The following DLGAP3 variants were observed in gnomAD, a reference collection of about 807,000 sequenced individuals.
The protein encoded by DLGAP3 is disks large-associated protein 3.
Under a neutral mutation model 81.2 loss-of-function variants are expected in DLGAP3, and 17 were observed. That is an observed-to-expected ratio of 0.21 (90% CI 0.14 to 0.31). The LOEUF (loss-of-function observed/expected upper bound fraction) is 0.31. DLGAP3 is among the 10% of genes least tolerant of loss of function. The probability of loss-of-function intolerance (pLI) is 1.00; values close to 1 mark genes in which losing one functional copy is unlikely to be tolerated. For missense variants in DLGAP3, 1,124 were observed against 1,388.0 expected, an observed-to-expected ratio of 0.81 and a Z score of 3.02; for synonymous variants, 577 against 587.4, an observed-to-expected ratio of 0.98 and a Z score of 0.26.
chr1:34,896,337 A>C (rs904720930), intron 5 of DLGAP3, among the ~76,000 whole-genome samples: 1 of 152,180 alleles, frequency 6.6e-6, no homozygotes, highest in Non-Finnish European at 1.5e-5. Context: ...CTGTAAACCC[A>C]GCACTTTGGG....
intron 5 of DLGAP3, among the ~76,000 whole-genome samples, chr1:34,887,031 T>C (rs1639244899): frequency 7.3e-6 from 1 of 137,546 alleles, no homozygotes; most frequent in South Asian, 2.5e-4. Flanking sequence ...CTCGGCTCAC[T>C]GCAAGCTCTG....
intron 1 of DLGAP3, among the ~76,000 whole-genome samples, chr1:34,911,773 G>A (rs1200732527): frequency 2.0e-5 from 3 of 152,172 alleles, no homozygotes; most frequent in Non-Finnish European, 4.4e-5. Flanking sequence ...ATCTCACTGG[G>A]AAACCAGCTG....
chr1:34,868,538 C>A lies in DLGAP3; in HGVS notation c.2485+67G>T. The A allele has an allele frequency of 7.2e-7, 1 of 1,398,240 alleles. No homozygotes were observed. The highest frequency in any genetic ancestry group is 1.0e-6 in the Non-Finnish European group (1 of 990,110). The allele number at this position is 1,398,240 out of a possible 1,614,324, so 86.6% of individuals were successfully genotyped here. A position where few individuals can be genotyped will look rare whatever the true frequency, so the allele number is the denominator to read the frequency against. ...ACACTGCAGCCCCAGCCACCCCCAT[C>A]AGGGTCTCCTGAGCACACACGAGGC... On this transcript the variant is annotated intron_variant, in intron 9 of 11. Coordinates refer to ENST00000373347, the MANE Select transcript of DLGAP3 (RefSeq NM_001080418.3). This position sits in a 1 kb window ranked among gnomAD's most constrained non-coding sequence, Gnocchi z 7.5.
chr1:34,869,480 A>ATTTTTTT (rs71029050), intron 8 of DLGAP3, among the ~76,000 whole-genome samples: 1 of 69,280 alleles, frequency 1.4e-5, no homozygotes. Context: ...AGATATTTCA[A>ATTTTTTT]TTTTTTTTTT....
Position 34,866,112 on chromosome 1 carries a change from A to G in DLGAP3, c.2911T>C (p.Tyr971His). The change falls in exon 12 of 12, where the codon TAC (tyrosine) becomes CAC (histidine). Residue 971 changes from tyrosine (Y) to histidine (H), a missense_variant. Tyr to His is a moderately conservative substitution (Grantham distance 83, BLOSUM62 2). Transcript: ENST00000373347. ...AGCCTGGTCTGGGCCTCGGGGATGT[A>G]GATCTCGATGCTGTCGGCGCTCTCG... ...ATESADSIEIYIPEAQTRL is the reference protein window; with the variant it reads ...ATESADSIEIHIPEAQTRL 1 of 1,599,532 alleles carries G rather than the reference A, an allele frequency of 6.3e-7. No individual in the cohort carries two copies.
chr1:34,880,150 T>C (rs772328606), intron 8 of DLGAP3, among the ~76,000 whole-genome samples: 7 of 151,686 alleles, frequency 4.6e-5, no homozygotes, highest in Non-Finnish European at 8.8e-5. Flanking sequence ...AACCCATGGG[T>C]TCAAGTTATC....
intron 5 of DLGAP3, among the ~76,000 whole-genome samples, chr1:34,889,954 G>T (rs1401456432): frequency 8.5e-5 from 13 of 152,186 alleles, no homozygotes; most frequent in Non-Finnish European, 1.8e-4. Context: ...TAGGAGGAAG[G>T]CTTTGGGCCC....
chr1:34,869,130 C>A, intron 8 of DLGAP3, 41 bp from the exon 9 acceptor site: 1 of 1,455,388 alleles, frequency 6.9e-7, no homozygotes, highest in South Asian at 1.2e-5. Context: ...TGCCCAGGCT[C>A]ATGCCAGCTC....
chr1:34,891,687 CT>C (rs1639313294), intron 5 of DLGAP3, among the ~76,000 whole-genome samples: 2 of 152,214 alleles, frequency 1.3e-5, no homozygotes, highest in South Asian at 4.1e-4. Flanking sequence ...ACACATAGAA[CT>C]ATAGGCAGAC....
At chr1:34,914,291 C>T (rs1234712878) in intron 1 of DLGAP3, among the ~76,000 whole-genome samples, 2 of 152,216 alleles carry the variant, frequency 1.3e-5, no homozygotes, top group Non-Finnish European at 2.9e-5. Context: ...CAACTGCTTC[C>T]AGCCTTTTCT....
At chr1:34,901,940 C>G (rs1437696314) in intron 3 of DLGAP3, among the ~76,000 whole-genome samples, 1 of 152,124 alleles carries the variant, frequency 6.6e-6, no homozygotes, top group Non-Finnish European at 1.5e-5. Context: ...GAAGGGAGAA[C>G]AGTTCAGGGA....
chr1:34,905,087 G>T lies in DLGAP3; in HGVS notation c.297C>A (p.Phe99Leu). 6.3e-7 allele frequency: 1 copy of T among 1,592,102 alleles called. No homozygotes were observed. The change falls in exon 3 of 12, where the codon TTC becomes TTA. Residue 99 changes from phenylalanine (F) to leucine (L), a missense_variant. Physicochemically the swap from Phe to Leu is conservative, Grantham distance 22 (BLOSUM62 0). Transcript: ENST00000373347. ...GGCCCACACAGTCTTCACAGGTGTC[G>T]AAGGGGCCCTGGCCAGGGTACATCC... Reference protein sequence around the residue: ...FPRMYPGQGPFDTCEDCVGHP... With the variant: ...FPRMYPGQGPLDTCEDCVGHP...
In DLGAP3 at chr1:34,905,528, A is replaced by G. The variant is rs1639537396; in HGVS notation, c.-51-94T>C. The G allele has an allele frequency of 4.7e-6, 4 of 846,356 alleles. No individual in the cohort carries two copies. In the Admixed American group the frequency reaches 9.6e-5, roughly 20 times the overall value. The allele number at this position is 846,356 out of a possible 1,614,324, so 52.4% of individuals were successfully genotyped here. Reference sequence around the variant, plus strand: ...GCATCCTTGTATCCCTTTAGGTAATACATATCAATTTATTATGATTAATCA... The same window carrying G: ...GCATCCTTGTATCCCTTTAGGTAATGCATATCAATTTATTATGATTAATCA... On this transcript the variant is annotated intron_variant, in intron 2 of 11. Coordinates refer to ENST00000373347, the MANE Select transcript of DLGAP3 (RefSeq NM_001080418.3).
rs953689296 is a variant in DLGAP3 at position 34,885,910 on chromosome 1, C to T, written c.1601-119G>A. 1.5e-5 allele frequency: 17 copies of T among 1,134,558 alleles called. No individual in the cohort carries two copies. The African/African-American group carries it at 2.0e-4, about 13-fold the overall frequency. 70.3% of individuals were successfully genotyped at this position (1,134,558 alleles called of 1,614,324 possible). On this transcript the variant is annotated intron_variant, in intron 6 of 11. Coordinates refer to ENST00000373347, the MANE Select transcript of DLGAP3 (RefSeq NM_001080418.3). ...ACGGGACCCTGCAGCGGCGCGCACT[C>T]CACATGCTGCTGCACACACGCCAAC...
intron 1 of DLGAP3, among the ~76,000 whole-genome samples, chr1:34,918,885 C>CTAGG (rs2148419571): frequency 6.6e-6 from 1 of 152,286 alleles, no homozygotes; most frequent in Admixed American, 6.5e-5. Flanking sequence ...GTGAAAGGAG[C>CTAGG]TAGGGCCGGG....
chr1:34,906,148 A>AAATATATAGAT (rs1639554043), intron 2 of DLGAP3, among the ~76,000 whole-genome samples: 1 of 150,218 alleles, frequency 6.7e-6, no homozygotes, highest in Non-Finnish European at 1.5e-5. Flanking sequence ...ATTTATGTGT[A>AAATATATAGAT]AATATATAGA....
intron 5 of DLGAP3, among the ~76,000 whole-genome samples, chr1:34,887,177 G>C (rs372401547): frequency 6.6e-6 from 1 of 151,726 alleles, no homozygotes; most frequent in Non-Finnish European, 1.5e-5. Context: ...GGATGGTCTC[G>C]ATCTCCTGAC....
At chr1:34,918,556 G>C (rs1029713782) in intron 1 of DLGAP3, among the ~76,000 whole-genome samples, 1 of 152,214 alleles carries the variant, frequency 6.6e-6, no homozygotes, top group Non-Finnish European at 1.5e-5. Context: ...GCCCGGGCAG[G>C]GGGGCTCAGG....
At chr1:34,866,962 C>G in intron 11 of DLGAP3, 86 bp downstream of exon 11, 1 of 1,495,160 alleles carries the variant, frequency 6.7e-7, no homozygotes, top group Non-Finnish European at 9.3e-7. Context: ...CTTCCCCTGC[C>G]CCCTTGTTCG....
Sources: allele counts gnomAD v4.1 joint callset (sites outside exome capture counted in the v4.1 genomes callset), GRCh38; gene constraint gnomAD v4.1.1; non-coding constraint Gnocchi (gnomAD v3.1); transcripts MANE v1.5; gene names NCBI Gene and HGNC (gene_info 2026-07-23, HGNC 2026-07-21).